IGSF3: variants seen among roughly 807,000 people sequenced by gnomAD.
The protein encoded by IGSF3 is glu-Trp-Ile EWI motif-containing protein 3.
A neutral mutation model predicts 114.4 loss-of-function variants in IGSF3; 23 were observed. The observed-to-expected ratio is 0.20, with a 90% CI of 0.14 to 0.28. The LOEUF is 0.28. Among genes scored for constraint, IGSF3 ranks in the 10% least tolerant of loss-of-function variants. The pLI is 1.00. For synonymous variants in IGSF3, 571 were observed against 645.2 expected, an observed-to-expected ratio of 0.88 and a Z score of 1.74; for missense variants, 1,172 against 1,591.5, an observed-to-expected ratio of 0.74 and a Z score of 4.48.
In IGSF3 at chr1:116,632,373, G is replaced by A. The variant is rs1309120922; in HGVS notation, c.44-15916C>T. Among the ~76,000 whole-genome samples the A allele has an allele frequency of 1.3e-5, 2 of 152,128 alleles. No homozygotes were observed. The highest frequency in any genetic ancestry group is 2.9e-5 in the Non-Finnish European group (2 of 68,028). On this transcript the variant is annotated intron_variant, in intron 2 of 10. Coordinates refer to ENST00000369486, the MANE Select transcript of IGSF3 (RefSeq NM_001007237.3). This position sits in a 1 kb window ranked among gnomAD's most constrained non-coding sequence, Gnocchi z 5.1. ...TCTGTGGGGGGAAGAAGGGGTGGGC[G>A]TGCTAGCATCTCTCAGCTAGACTGT...
rs1179393413 is a variant in IGSF3, at chr1:116,579,246, C to CA, written c.3334+145dup. 2.0e-5 allele frequency: 21 copies of CA among 1,071,324 alleles called. No individual in the cohort carries two copies. In the East Asian group the frequency reaches 2.2e-4, roughly 11 times the overall value. 66.4% of individuals were successfully genotyped at this position (1,071,324 alleles called of 1,614,324 possible). On this transcript the variant is annotated intron_variant, in intron 10 of 10. Coordinates refer to ENST00000369486, the MANE Select transcript of IGSF3 (RefSeq NM_001007237.3). The surrounding 1 kb of genome is among the most constrained non-coding windows in gnomAD (Gnocchi z 6.4). ...GGTCAATTATATGAACTAATATGTCCAATCCCACCATATCTCAAATCCTAC... is the reference window on the plus strand; with the variant it reads ...GGTCAATTATATGAACTAATATGTCCAAATCCCACCATATCTCAAATCCTAC...
Position 116,584,222 on chromosome 1 carries a change from C to T in IGSF3, c.2848+423G>A, listed in dbSNP as rs1659718859. 6.6e-6 allele frequency among the ~76,000 whole-genome samples: 1 copy of T among 151,822 alleles called. No individual in the cohort carries two copies. Among genetic ancestry groups the T allele is most frequent in the African/African-American group, 2.4e-5 (1 of 41,316 alleles). ...AAAAAAAAAAAGTATTGGGAAGTGA[C>T]AGAGTGAAGGCTGCACACAATTCAT... On this transcript the variant is annotated intron_variant, in intron 9 of 10. Coordinates refer to ENST00000369486, the MANE Select transcript of IGSF3 (RefSeq NM_001007237.3). The surrounding 1 kb of genome is among the most constrained non-coding windows in gnomAD (Gnocchi z 5.8).
intron 2 of IGSF3, among the ~76,000 whole-genome samples, chr1:116,639,845 C>A (rs543054159): frequency 1.3e-5 from 2 of 151,974 alleles, no homozygotes; most frequent in Non-Finnish European, 2.9e-5. Context: ...ACCAATCTGG[C>A]CAACACGGTG....
rs2101080340 is a variant in IGSF3 at position 116,657,502 on chromosome 1, T to A, written c.43+8782A>T. On this transcript the variant is annotated intron_variant, in intron 2 of 10. Coordinates refer to ENST00000369486, the MANE Select transcript of IGSF3 (RefSeq NM_001007237.3). This position sits in a 1 kb window ranked among gnomAD's most constrained non-coding sequence, Gnocchi z 4.2. ...TCATCCGCAACCCAGACCACTAGAC[T>A]AATTTTGCTTTAGAACTGGACTATA... is the stretch of plus-strand genomic sequence containing the variant. Among the ~76,000 whole-genome samples, 1 of 152,308 alleles carries A rather than the reference T, an allele frequency of 6.6e-6. No homozygotes were observed. The highest frequency in any genetic ancestry group is 3.4e-3 in the Middle Eastern group (1 of 294).
In IGSF3 at chr1:116,594,289, A is replaced by T. The variant is rs113709138; in HGVS notation, c.2030-5185T>A. On this transcript the variant is annotated intron_variant, in intron 7 of 10. Transcript: ENST00000369486. The surrounding 1 kb of genome is among the most constrained non-coding windows in gnomAD (Gnocchi z 5.2). ...TACTATGAACTACTTTTTTTAAAAAAAACTTTCTTTATCCCACAACTAGGA... is the reference window on the plus strand; with the variant it reads ...TACTATGAACTACTTTTTTTAAAAATAACTTTCTTTATCCCACAACTAGGA... Among the ~76,000 whole-genome samples the T allele has an allele frequency of 6.6e-6, 1 of 152,234 alleles. No homozygotes were observed. Among genetic ancestry groups the T allele is most frequent in the Admixed American group, 6.5e-5 (1 of 15,286 alleles).
In IGSF3 at chr1:116,600,419, G is replaced by A. The variant is rs1660532250; in HGVS notation, c.1625-74C>T. ...CAGGGCAGTATGACATCAGCAATGG[G>A]GCAGCTGGCAAAGCAAGCAGTGTGG... On this transcript the variant is annotated intron_variant, in intron 6 of 10. Transcript: ENST00000369486. This position sits in a 1 kb window ranked among gnomAD's most constrained non-coding sequence, Gnocchi z 5.5. 13 of 1,186,046 alleles carry A rather than the reference G, an allele frequency of 1.1e-5. No homozygotes were observed. In the South Asian group the frequency reaches 1.8e-4, roughly 17 times the overall value. 73.5% of individuals were successfully genotyped at this position (1,186,046 alleles called of 1,614,324 possible).
intron 2 of IGSF3, among the ~76,000 whole-genome samples, chr1:116,630,504 T>G (rs1355550230): frequency 6.6e-6 from 1 of 152,168 alleles, no homozygotes; most frequent in South Asian, 2.1e-4. Context: ...ATGAGCAAAC[T>G]GAGGCTCGGA....
intron 4 of IGSF3, among the ~76,000 whole-genome samples, chr1:116,611,976 G>A (rs1661040828): frequency 6.6e-6 from 1 of 152,188 alleles, no homozygotes; most frequent in Admixed American, 6.5e-5. Context: ...AGTTGGAGAT[G>A]CAACTGCTGA....
Position 116,632,510 on chromosome 1 carries a change from G to T in IGSF3, c.44-16053C>A, listed in dbSNP as rs1465610753. ...AGCATACTGAATGAGAAGCCTCGCA[G>T]GCAGAGAAGAAAGCAAACCTGGAAG... On this transcript the variant is annotated intron_variant, in intron 2 of 10. Coordinates refer to ENST00000369486, the MANE Select transcript of IGSF3 (RefSeq NM_001007237.3). The surrounding 1 kb of genome is among the most constrained non-coding windows in gnomAD (Gnocchi z 5.1). Among the ~76,000 whole-genome samples, 3 of 152,226 alleles carry T rather than the reference G, an allele frequency of 2.0e-5. No homozygotes were observed. Among genetic ancestry groups the T allele is most frequent in the Non-Finnish European group, 2.9e-5 (2 of 68,050 alleles).
In IGSF3 at chr1:116,612,088, A is replaced by G. The variant is rs1227042560; in HGVS notation, c.832+1677T>C. ...AGATACATTTTCAGGGTAAATTCAA[A>G]AAGTTCTAATTCCAAATTGGTAAGA... is the stretch of plus-strand genomic sequence containing the variant. On this transcript the variant is annotated intron_variant, in intron 4 of 10. Coordinates refer to ENST00000369486, the MANE Select transcript of IGSF3 (RefSeq NM_001007237.3). The surrounding 1 kb of genome is among the most constrained non-coding windows in gnomAD (Gnocchi z 4.1). 2.0e-5 allele frequency among the ~76,000 whole-genome samples: 3 copies of G among 152,186 alleles called. No individual in the cohort carries two copies. Among genetic ancestry groups the G allele is most frequent in the African/African-American group, 7.2e-5 (3 of 41,434 alleles).
rs1236499719 is a variant in IGSF3, at chr1:116,615,310, A to G, written c.421+770T>C. Among the ~76,000 whole-genome samples, 1 of 151,784 alleles carries G rather than the reference A, an allele frequency of 6.6e-6. No homozygotes were observed. Among genetic ancestry groups the G allele is most frequent in the Non-Finnish European group, 1.5e-5 (1 of 67,952 alleles). On this transcript the variant is annotated intron_variant, in intron 3 of 10. Transcript: ENST00000369486. The surrounding 1 kb of genome is among the most constrained non-coding windows in gnomAD (Gnocchi z 4.3). Reference sequence around the variant, plus strand: ...ATACACACACACACACACACACGAAAAAAAAAAGGTCTCCTGCTGGGACAC... The same window carrying G: ...ATACACACACACACACACACACGAAGAAAAAAAGGTCTCCTGCTGGGACAC...
At chr1:116,621,684 CAT>C (rs1347620253) in intron 2 of IGSF3, among the ~76,000 whole-genome samples, 7 of 152,192 alleles carry the variant, frequency 4.6e-5, no homozygotes, top group Non-Finnish European at 1.0e-4. Flanking sequence ...GTTACATACA[CAT>C]GAGTGTGTTC....
chr1:116,625,033 A>C lies in IGSF3; in HGVS notation c.44-8576T>G, dbSNP rs561689619. 6.6e-6 allele frequency among the ~76,000 whole-genome samples: 1 copy of C among 152,362 alleles called. No individual in the cohort carries two copies. The highest frequency in any genetic ancestry group is 1.5e-5 in the Non-Finnish European group (1 of 68,038). On this transcript the variant is annotated intron_variant, in intron 2 of 10. Transcript: ENST00000369486. The surrounding 1 kb of genome is among the most constrained non-coding windows in gnomAD (Gnocchi z 4.7). Reference sequence around the variant, plus strand: ...GTGCCTCTAAATTCTCGACCCACAGATTCTGTGAGCATAACAAAATTGTTG... The same window carrying C: ...GTGCCTCTAAATTCTCGACCCACAGCTTCTGTGAGCATAACAAAATTGTTG...
In IGSF3 at chr1:116,648,607, G is replaced by C. The variant is rs761199471; in HGVS notation, c.43+17677C>G. Among the ~76,000 whole-genome samples the C allele has an allele frequency of 6.6e-6, 1 of 152,198 alleles. No individual in the cohort carries two copies. Among genetic ancestry groups the C allele is most frequent in the Non-Finnish European group, 1.5e-5 (1 of 68,026 alleles). On this transcript the variant is annotated intron_variant, in intron 2 of 10. Transcript: ENST00000369486. The surrounding 1 kb of genome is among the most constrained non-coding windows in gnomAD (Gnocchi z 4.7). ...GATTGATGCAACACTGTAACAAAGC[G>C]TGTGCAAAGTGCCTAGCTCCGGACT...
Position 116,657,385 on chromosome 1 carries a change from G to A in IGSF3, c.43+8899C>T. The stretch of plus-strand genomic sequence containing the variant: ...CAGCACATGGGGTTGGGAAGCTGAC[G>A]ACCTTAGAGATTTCAAAATCACCTA... On this transcript the variant is annotated intron_variant, in intron 2 of 10. Coordinates refer to ENST00000369486, the MANE Select transcript of IGSF3 (RefSeq NM_001007237.3). This position sits in a 1 kb window ranked among gnomAD's most constrained non-coding sequence, Gnocchi z 4.2. Among the ~76,000 whole-genome samples, 1 of 152,228 alleles carries A rather than the reference G, an allele frequency of 6.6e-6. No homozygotes were observed.
rs1661200766 is a variant in IGSF3, at chr1:116,615,976, T to C, written c.421+104A>G. 4 of 909,972 alleles carry C rather than the reference T, an allele frequency of 4.4e-6. No homozygotes were observed. The highest frequency in any genetic ancestry group is 3.8e-5 in the South Asian group (2 of 52,930). The allele number at this position is 909,972 out of a possible 1,614,324, so 56.4% of individuals were successfully genotyped here. On this transcript the variant is annotated intron_variant, in intron 3 of 10. Transcript: ENST00000369486. This position sits in a 1 kb window ranked among gnomAD's most constrained non-coding sequence, Gnocchi z 4.3. Reference sequence around the variant, plus strand: ...TGACCCCTAAAATATGTTGGGAGTTTTGGGATTTTTTTTAAAGTCAAATGC... The same window carrying C: ...TGACCCCTAAAATATGTTGGGAGTTCTGGGATTTTTTTTAAAGTCAAATGC...
At position 116,634,881 on chromosome 1, in the gene IGSF3, G is replaced by A. The variant is rs192781855; in HGVS notation, c.44-18424C>T. Among the ~76,000 whole-genome samples, 160 of 152,050 alleles carry A rather than the reference G, an allele frequency of 1.1e-3. 1 individual carries two copies. The highest frequency in any genetic ancestry group is 3.6e-3 in the African/African-American group (151 of 41,478). ...GCGGTGTAAGCCATCTGCCTGCTCC[G>A]AGCCCGCCACACTATAAGGAAGCCC... is the stretch of plus-strand genomic sequence containing the variant. On this transcript the variant is annotated intron_variant, in intron 2 of 10. Transcript: ENST00000369486. This position sits in a 1 kb window ranked among gnomAD's most constrained non-coding sequence, Gnocchi z 4.2.
At chr1:116,631,417 C>A (rs539409495) in intron 2 of IGSF3, among the ~76,000 whole-genome samples, 2 of 151,784 alleles carry the variant, frequency 1.3e-5, no homozygotes, top group South Asian at 4.2e-4. Context: ...CCAAATCCTG[C>A]CTTGGGAAGA....
Position 116,577,349 on chromosome 1 carries a change from G to C in IGSF3, c.3548C>G (p.Pro1183Arg). 3.1e-6 allele frequency: 5 copies of C among 1,614,124 alleles called. No homozygotes were observed. Among genetic ancestry groups the C allele is most frequent in the Non-Finnish European group, 4.2e-6 (5 of 1,180,024 alleles). The part of the protein sequence containing the change: ...HLNYSPTCLE[P>R]PVLSIHPGAI... ...CCCTGGATGGATACTGAGAACAGGG[G>C]GCTCCAGGCAAGTAGGGGAGTAGTT... Residue 1183 changes from proline to arginine, a missense_variant, in exon 11 of 11, where the codon CCC (proline) becomes CGC (arginine). Physicochemically the swap from Pro to Arg is moderately radical, Grantham distance 103 (BLOSUM62 -2). Transcript: ENST00000369486. This position sits in a 1 kb window ranked among gnomAD's most constrained non-coding sequence, Gnocchi z 5.7.
Sources: allele counts gnomAD v4.1 joint callset (sites outside exome capture counted in the v4.1 genomes callset), GRCh38; gene constraint gnomAD v4.1.1; non-coding constraint Gnocchi (gnomAD v3.1); transcripts MANE v1.5; gene names NCBI Gene and HGNC (gene_info 2026-07-23, HGNC 2026-07-21).